Variants in HERC2 observed in about 807,000 individuals in gnomAD.
HERC2 encodes the protein HECT and RLD domain containing E3 ubiquitin protein ligase 2, also known as E3 ubiquitin-protein ligase HERC2.
Under a neutral mutation model 537.7 loss-of-function variants are expected in HERC2, and 102 were observed. The ratio of observed to expected loss-of-function variants is 0.19; its 90% CI spans 0.16 to 0.22. The LOEUF (loss-of-function observed/expected upper bound fraction) is 0.22, where lower values mean the gene tolerates loss of function less well. HERC2 is among the 10% of genes least tolerant of loss of function. HERC2 has a pLI of 1.00. For synonymous variants in HERC2, 2,224 were observed against 2,466.2 expected, an observed-to-expected ratio of 0.90 and a Z score of 2.91; for missense variants, 4,236 against 6,198.2, an observed-to-expected ratio of 0.68 and a Z score of 10.63.
chr15:28,115,278 T>G, intron 89 of HERC2, 151 bp downstream of exon 89: 1 of 509,814 alleles, frequency 2.0e-6, no homozygotes. Context: ...TTTTTTTTTT[T>G]TTGCTACTCA....
At chr15:28,315,006 A>G (rs2077044372) in intron 2 of HERC2, among the ~76,000 whole-genome samples, 1 of 152,232 alleles carries the variant, frequency 6.6e-6, no homozygotes, top group African/African-American at 2.4e-5. Flanking sequence ...TACGGCCCAC[A>G]TAAACATTTA....
intron 2 of HERC2, among the ~76,000 whole-genome samples, chr15:28,313,072 C>T (rs1394159070): frequency 2.0e-5 from 3 of 151,850 alleles, no homozygotes; most frequent in Non-Finnish European, 4.4e-5. Context: ...CGCTTCCCAC[C>T]AACACCATAA....
intron 3 of HERC2, among the ~76,000 whole-genome samples, chr15:28,294,608 C>A (rs796562201): frequency 3.3e-5 from 5 of 151,122 alleles, no homozygotes; most frequent in Admixed American, 3.3e-4. Context: ...CGCGGAAACC[C>A]GACCCCAGCC....
intron 50 of HERC2, among the ~76,000 whole-genome samples, chr15:28,197,227 G>A (rs2140307753): frequency 6.6e-6 from 1 of 152,286 alleles, no homozygotes; most frequent in South Asian, 2.1e-4. Context: ...CTTCCACAAG[G>A]TTCAAACAAA....
chr15:28,292,001 G>A (rs2076328335), intron 4 of HERC2, among the ~76,000 whole-genome samples: 2 of 151,478 alleles, frequency 1.3e-5, no homozygotes, highest in African/African-American at 4.9e-5. Flanking sequence ...GCCAAGGTGG[G>A]TGGATCACCT....
chr15:28,208,121 C>A (rs1898687784), intron 44 of HERC2, among the ~76,000 whole-genome samples: 1 of 152,164 alleles, frequency 6.6e-6, no homozygotes, highest in South Asian at 2.1e-4. Flanking sequence ...TTCCCTATAA[C>A]CTCTACTATT....
chr15:28,241,125 A>G (rs1401260252), intron 23 of HERC2, among the ~76,000 whole-genome samples: 2 of 152,210 alleles, frequency 1.3e-5, no homozygotes, highest in East Asian at 3.9e-4. Context: ...AAAGAATGCA[A>G]AACAGATTGC....
chr15:28,189,547 C>G (rs1896634835), intron 55 of HERC2, among the ~76,000 whole-genome samples: 1 of 152,158 alleles, frequency 6.6e-6, no homozygotes, highest in Non-Finnish European at 1.5e-5. Context: ...CACTTATTAG[C>G]ACCACTGGTA....
chr15:28,223,558 C>G (rs1018284039), intron 35 of HERC2, among the ~76,000 whole-genome samples: 1 of 152,146 alleles, frequency 6.6e-6, no homozygotes, highest in African/African-American at 2.4e-5. Flanking sequence ...GAGTTGCATT[C>G]TAGGTGGATC....
Position 28,168,451 on chromosome 15 carries a change from T to C in HERC2, c.10369A>G (p.Ile3457Val), listed in dbSNP as rs139163401. ...NGEECMLAVD[I>V]EDRLSPNPWQ... is the part of the protein sequence containing the mutation. Reference sequence around the variant, plus strand: ...GGATTTGGACTCAGTCTGTCTTCGATATCAACAGCCAGCATGCATTCTTCT... The same window carrying C: ...GGATTTGGACTCAGTCTGTCTTCGACATCAACAGCCAGCATGCATTCTTCT... The change falls in exon 67 of 93, where the codon ATC (isoleucine) becomes GTC (valine). Residue 3457 changes from isoleucine to valine, a missense_variant. Coordinates refer to ENST00000261609, the MANE Select transcript of HERC2 (RefSeq NM_004667.6). The C allele has an allele frequency of 1.9e-5, 31 of 1,614,098 alleles. No homozygotes were observed. The highest frequency in any genetic ancestry group is 2.5e-5 in the Non-Finnish European group (29 of 1,180,036).
chr15:28,274,830 G>A (rs776021078), intron 6 of HERC2, 75 bp downstream of exon 6: 127 of 1,154,866 alleles, frequency 1.1e-4, no homozygotes, highest in Non-Finnish European at 1.5e-4. Flanking sequence ...GGCACATGGT[G>A]GCTGAACCGA....
At chr15:28,132,457 G>T (rs1890205850) in intron 80 of HERC2, among the ~76,000 whole-genome samples, 196 bp from the exon 81 acceptor site, 1 of 152,236 alleles carries the variant, frequency 6.6e-6, no homozygotes, top group Non-Finnish European at 1.5e-5. Context: ...TAAACCGCAG[G>T]AGGAGGTATC....
At position 28,313,443 on chromosome 15, in the gene HERC2, C is replaced by G. The variant is rs1388222934; in HGVS notation, c.72+7919G>C. Among the ~76,000 whole-genome samples, 6 of 152,034 alleles carry G rather than the reference C, an allele frequency of 3.9e-5. No homozygotes were observed. In the East Asian group the frequency reaches 9.7e-4, roughly 24 times the overall value. On this transcript the variant is annotated intron_variant, in intron 2 of 92. Coordinates refer to ENST00000261609, the MANE Select transcript of HERC2 (RefSeq NM_004667.6). ...ATCCACCCGCCTCGGCCTGGGATTA[C>G]AGGCGGGAGCCACCGCACCCAGCCC...
intron 81 of HERC2, among the ~76,000 whole-genome samples, 161 bp downstream of exon 81, chr15:28,131,939 T>C (rs1252014482): frequency 6.6e-6 from 1 of 152,206 alleles, no homozygotes; most frequent in Non-Finnish European, 1.5e-5. Context: ...TTACCCATTA[T>C]ATTTACTGGA....
In HERC2 at chr15:28,268,452, A is replaced by G. The variant is rs2075630636; in HGVS notation, c.1598+13T>C. 6.2e-7 allele frequency: 1 copy of G among 1,610,858 alleles called. No homozygotes were observed. Among genetic ancestry groups the G allele is most frequent in the Non-Finnish European group, 8.5e-7 (1 of 1,178,122 alleles). ...AGGAGAGTGTGTCCCCTACAGGAAT[A>G]AGCGATACATACACAGTGTCCCCAT... On this transcript the variant is annotated intron_variant, in intron 12 of 92. Transcript: ENST00000261609. The surrounding 1 kb of genome is among the most constrained non-coding windows in gnomAD (Gnocchi z 4.7).
intron 2 of HERC2, among the ~76,000 whole-genome samples, chr15:28,308,746 T>C (rs2076860618): frequency 6.6e-6 from 1 of 152,224 alleles, no homozygotes; most frequent in Non-Finnish European, 1.5e-5. Flanking sequence ...TTTTAAGAGA[T>C]TTTATCATGA....
intron 87 of HERC2, 48 bp downstream of exon 87, chr15:28,116,965 C>A: frequency 6.2e-7 from 1 of 1,612,716 alleles, no homozygotes; most frequent in East Asian, 2.2e-5. Flanking sequence ...TGGGCTCAGG[C>A]GACCACTGCC....
intron 70 of HERC2, among the ~76,000 whole-genome samples, chr15:28,150,212 C>T (rs1010965341): frequency 5.9e-5 from 9 of 151,606 alleles, no homozygotes; most frequent in Non-Finnish European, 1.3e-4. Flanking sequence ...AGAACATCAC[C>T]GAGAATGGCC....
Position 28,113,137 on chromosome 15 carries a change from G to A in HERC2, c.14166C>T (p.Phe4722=), listed in dbSNP as rs1202330006. Residue 4722 remains phenylalanine, a synonymous_variant, in exon 92 of 93, where the codon TTC becomes TTT. Transcript: ENST00000261609. The surrounding 1 kb of genome is among the most constrained non-coding windows in gnomAD (Gnocchi z 7.0). The stretch of plus-strand genomic sequence containing the variant: ...TGGGCAGCCTCGTCCGGCCCCAGAC[G>A]AAGCGAAGGAAAAGAGAGCGCTCTG... ...SNTERSLFLR[F]VWGRTRLPRT... The A allele has an allele frequency of 9.3e-6, 15 of 1,613,892 alleles. No individual in the cohort carries two copies. Among genetic ancestry groups the A allele is most frequent in the East Asian group, 2.2e-5 (1 of 44,878 alleles).
Sources: allele counts gnomAD v4.1 joint callset (sites outside exome capture counted in the v4.1 genomes callset), GRCh38; gene constraint gnomAD v4.1.1; non-coding constraint Gnocchi (gnomAD v3.1); transcripts MANE v1.5; gene names NCBI Gene and HGNC (gene_info 2026-07-23, HGNC 2026-07-21).